The following PCDHA3 variants were observed in gnomAD, a reference collection of about 807,000 sequenced individuals.
The protein encoded by PCDHA3 is protocadherin alpha 3, also known as protocadherin alpha-3.
Under a neutral mutation model 62.2 loss-of-function variants are expected in PCDHA3, and 41 were observed. The ratio of observed to expected loss-of-function variants is 0.66; its 90% CI spans 0.51 to 0.86. PCDHA3 has a LOEUF of 0.86. Ranked by LOEUF, PCDHA3 falls within the 40% of genes least tolerant of loss-of-function variation. PCDHA3 has a pLI of 0.00. For missense variants in PCDHA3, 1,304 were observed against 1,241.2 expected (o/e 1.05, Z -0.76); for synonymous variants, 640 against 555.4 (o/e 1.15, Z -2.14).
At chr5:140,931,373 C>T (rs1290408788) in intron 1 of PCDHA3, among the ~76,000 whole-genome samples, 1 of 151,646 alleles carries the variant, frequency 6.6e-6, no homozygotes, top group Non-Finnish European at 1.5e-5. Context: ...TTTCACTAGA[C>T]TAGAAAGGAA....
At chr5:140,828,367 C>G (rs2150154569) in intron 1 of PCDHA3, 12 of 1,614,132 alleles carry the variant, frequency 7.4e-6, no homozygotes, top group East Asian at 2.2e-5. Context: ...GGATCGACCG[C>G]GAGGAGCTGT....
At chr5:140,816,373 T>C (rs2126671118) in intron 1 of PCDHA3, 4 of 152,242 alleles carry the variant, frequency 2.6e-5, no homozygotes, top group Non-Finnish European at 4.4e-5. Flanking sequence ...ATATTTTCTA[T>C]CTGCTGAAAT....
chr5:140,972,947 C>T (rs1287629621), intron 1 of PCDHA3, among the ~76,000 whole-genome samples: 1 of 152,096 alleles, frequency 6.6e-6, no homozygotes, highest in African/African-American at 2.4e-5. Context: ...CAGATGTGAG[C>T]CACCATGCCC....
At chr5:140,912,922 G>A (rs1554195623) in intron 1 of PCDHA3, among the ~76,000 whole-genome samples, 3 of 152,210 alleles carry the variant, frequency 2.0e-5, no homozygotes, top group African/African-American at 7.2e-5. Context: ...ATTTGTGTAT[G>A]TTGAATCATC....
At chr5:140,881,648 CCTT>C (rs1554172342) in intron 1 of PCDHA3, among the ~76,000 whole-genome samples, 4 of 152,182 alleles carry the variant, frequency 2.6e-5, no homozygotes, top group African/African-American at 9.7e-5. Flanking sequence ...ATATTTTTCA[CCTT>C]CACCGATTTT....
chr5:140,818,563 A>G (rs974251332), intron 1 of PCDHA3, among the ~76,000 whole-genome samples: 1 of 152,228 alleles, frequency 6.6e-6, no homozygotes, highest in African/African-American at 2.4e-5. Context: ...CAGGCCAGGC[A>G]TGGTGGCTCA....
intron 1 of PCDHA3, chr5:140,855,997 T>C (rs1562502842): frequency 1.3e-6 from 2 of 1,505,732 alleles, no homozygotes; most frequent in Non-Finnish European, 1.8e-6. Flanking sequence ...TCAGATCGTA[T>C]GTGCGTTCTA....
chr5:140,967,966 G>A, intron 1 of PCDHA3: 1 of 1,614,214 alleles, frequency 6.2e-7, no homozygotes, highest in African/African-American at 1.3e-5. Context: ...ACCGGAAAGT[G>A]AGCCTGGGTC....
chr5:141,000,651 C>G (rs1325110453), intron 3 of PCDHA3, among the ~76,000 whole-genome samples: 2 of 151,708 alleles, frequency 1.3e-5, no homozygotes, highest in African/African-American at 4.8e-5. Flanking sequence ...TGGTCTCGAA[C>G]TCCTGACCTC....
chr5:140,869,838 A>G, intron 1 of PCDHA3: 6 of 1,611,734 alleles, frequency 3.7e-6, no homozygotes, highest in Non-Finnish European at 5.1e-6. Context: ...TTGATAAATC[A>G]GAATATAAGG....
chr5:140,824,829 A>T (rs1484900746), intron 1 of PCDHA3: 3 of 151,820 alleles, frequency 2.0e-5, no homozygotes, highest in African/African-American at 7.3e-5. Flanking sequence ...ATTAATTATT[A>T]TTTTATTACA....
At chr5:140,879,555 C>A (rs1278975106) in intron 1 of PCDHA3, among the ~76,000 whole-genome samples, 1 of 152,048 alleles carries the variant, frequency 6.6e-6, no homozygotes, top group African/African-American at 2.4e-5. Flanking sequence ...AAAAATAATC[C>A]ATGAAAGAAT....
At chr5:140,821,608 T>G in intron 1 of PCDHA3, 1 of 759,916 alleles carries the variant, frequency 1.3e-6, no homozygotes, top group Non-Finnish European at 2.0e-6. Flanking sequence ...AGGAATACAG[T>G]GAGTAGATTT....
At chr5:140,991,417 C>G (rs782178829) in intron 3 of PCDHA3, among the ~76,000 whole-genome samples, 79 of 152,196 alleles carry the variant, frequency 5.2e-4, no homozygotes, top group Admixed American at 1.5e-3. Context: ...TATGCTATAA[C>G]AAATTAACCA....
intron 1 of PCDHA3, chr5:140,830,908 T>C (rs1771286150): frequency 6.6e-6 from 1 of 152,406 alleles, no homozygotes; most frequent in East Asian, 1.9e-4. Context: ...TTTTACACTT[T>C]CCATTTCAAT....
At chr5:140,954,222 G>A (rs2094999300) in intron 1 of PCDHA3, among the ~76,000 whole-genome samples, 1 of 152,132 alleles carries the variant, frequency 6.6e-6, no homozygotes, top group African/African-American at 2.4e-5. Context: ...TTTTGCTATT[G>A]TGAATAGTGC....
intron 1 of PCDHA3, among the ~76,000 whole-genome samples, chr5:140,942,139 A>G (rs1211983428): frequency 6.6e-6 from 1 of 152,248 alleles, no homozygotes; most frequent in African/African-American, 2.4e-5. Flanking sequence ...TTGTGGCTTT[A>G]CTTGACATAA....
chr5:140,801,326 C>A lies in PCDHA3; in HGVS notation c.129C>A (p.Thr43=), dbSNP rs782180915. 6.2e-7 allele frequency: 1 copy of A among 1,613,294 alleles called. No homozygotes were observed. The highest frequency in any genetic ancestry group is 2.2e-5 in the East Asian group (1 of 44,888). The part of the protein sequence containing the change: ...YSVSEEAKHG[T]FVGRIAQDLG... ...TCTCTGAGGAGGCCAAGCATGGCAC[C>A]TTCGTGGGCCGCATCGCGCAGGACC... The change falls in exon 1 of 4, where the codon ACC becomes ACA. Residue 43 remains threonine, a synonymous_variant. Coordinates refer to ENST00000522353, the MANE Select transcript of PCDHA3 (RefSeq NM_018906.3).
intron 1 of PCDHA3, among the ~76,000 whole-genome samples, chr5:140,826,937 T>A (rs1769122740): frequency 6.6e-6 from 1 of 152,164 alleles, no homozygotes; most frequent in African/African-American, 2.4e-5. Context: ...CTTAGGTGGA[T>A]GTGGAATAAG....
Sources: allele counts gnomAD v4.1 joint callset (sites outside exome capture counted in the v4.1 genomes callset), GRCh38; gene constraint gnomAD v4.1.1; transcripts MANE v1.5; gene names NCBI Gene and HGNC (gene_info 2026-07-23, HGNC 2026-07-21).